The following AGMO variants were observed in gnomAD, a reference collection of about 807,000 sequenced individuals.
The protein encoded by AGMO is alkylglycerol monooxygenase.
In AGMO, 75 loss-of-function variants were observed where a neutral mutation model predicts 60.2. That is an observed-to-expected ratio of 1.25 (90% CI 1.03 to 1.51). The LOEUF (loss-of-function observed/expected upper bound fraction) is 1.51. Ranked by LOEUF, AGMO falls within the 40% of genes most tolerant of loss-of-function variation. The pLI is 0.00. For missense variants in AGMO, 763 were observed against 525.5 expected (o/e 1.45, Z -4.42); for synonymous variants, 261 against 177.1 (o/e 1.47, Z -3.76).
At chr7:15,277,041 C>A (rs57952142) in intron 12 of AGMO, among the ~76,000 whole-genome samples, 96 of 151,742 alleles carry the variant, frequency 6.3e-4, no homozygotes, top group Non-Finnish European at 1.3e-3. Context: ...GGTGTGGTGG[C>A]GCACACCTGT....
At chr7:15,147,001 A>G in the AGMO span, among the ~76,000 whole-genome samples, 1 of 152,176 alleles carries the variant, frequency 6.6e-6, no homozygotes, top group African/African-American at 2.4e-5. Context: ...GTTAAAATAT[A>G]TACACAAAAC....
chr7:15,532,918 G>T (rs1583658089), intron 3 of AGMO, among the ~76,000 whole-genome samples: 1 of 152,210 alleles, frequency 6.6e-6, no homozygotes, highest in African/African-American at 2.4e-5. Context: ...TTGAGCCCAA[G>T]AAGTGGAGGT....
chr7:15,506,944 A>G (rs889561846), intron 3 of AGMO, among the ~76,000 whole-genome samples: 2 of 152,050 alleles, frequency 1.3e-5, no homozygotes, highest in Non-Finnish European at 2.9e-5. Context: ...ATGAGCAAGA[A>G]AAAAGAATTG....
the AGMO span, among the ~76,000 whole-genome samples, chr7:15,160,666 A>C: frequency 6.6e-6 from 1 of 152,184 alleles, no homozygotes; most frequent in Non-Finnish European, 1.5e-5. Flanking sequence ...TCTATTTATA[A>C]TTATCCAGTA....
At chr7:15,351,022 C>T (rs1305591573) in intron 12 of AGMO, among the ~76,000 whole-genome samples, 1 of 152,100 alleles carries the variant, frequency 6.6e-6, no homozygotes, top group Non-Finnish European at 1.5e-5. Context: ...TGTGGGCATG[C>T]ATGAGATAGT....
the AGMO span, among the ~76,000 whole-genome samples, chr7:15,177,890 C>A: frequency 3.9e-5 from 6 of 152,182 alleles, no homozygotes; most frequent in East Asian, 9.7e-4. Flanking sequence ...ATATTGCTTT[C>A]TTTTATGACT....
chr7:15,153,131 T>C, the AGMO span, among the ~76,000 whole-genome samples: 1 of 152,202 alleles, frequency 6.6e-6, no homozygotes, highest in Admixed American at 6.5e-5. Context: ...CCCTTGTATA[T>C]CTTCTTTTGA....
intron 12 of AGMO, among the ~76,000 whole-genome samples, chr7:15,225,949 T>C (rs1447034584): frequency 2.6e-5 from 4 of 152,036 alleles, no homozygotes; most frequent in African/African-American, 9.7e-5. Context: ...TGACACACAG[T>C]ACATTTTAAA....
chr7:15,408,668 G>T (rs2128491794), intron 5 of AGMO, among the ~76,000 whole-genome samples: 1 of 151,994 alleles, frequency 6.6e-6, no homozygotes, highest in South Asian at 2.1e-4. Flanking sequence ...TAGGATTTCA[G>T]AGGAGGAAAG....
At chr7:15,138,149 T>C in the AGMO span, among the ~76,000 whole-genome samples, 1 of 152,326 alleles carries the variant, frequency 6.6e-6, no homozygotes, top group African/African-American at 2.4e-5. Context: ...TGGATGACAT[T>C]TCCTCTTTTT....
intron 12 of AGMO, among the ~76,000 whole-genome samples, chr7:15,271,304 G>A (rs1323780335): frequency 6.6e-6 from 1 of 151,972 alleles, no homozygotes; most frequent in Non-Finnish European, 1.5e-5. Context: ...CCATCATATG[G>A]GATATTTTTC....
At chr7:15,302,746 G>A (rs958824804) in intron 12 of AGMO, among the ~76,000 whole-genome samples, 1 of 151,968 alleles carries the variant, frequency 6.6e-6, no homozygotes, top group African/African-American at 2.4e-5. Flanking sequence ...GTTCATTGCT[G>A]TACCTCCATC....
intron 6 of AGMO, among the ~76,000 whole-genome samples, chr7:15,393,778 A>G (rs941113088): frequency 1.3e-5 from 2 of 152,212 alleles, no homozygotes; most frequent in African/African-American, 2.4e-5. Flanking sequence ...GCACTGGGTC[A>G]AGAAGTAGCC....
intron 12 of AGMO, among the ~76,000 whole-genome samples, chr7:15,313,860 T>C (rs1444307870): frequency 6.6e-6 from 1 of 152,148 alleles, no homozygotes; most frequent in African/African-American, 2.4e-5. Context: ...ATAAAAGTTA[T>C]GCAGATGGGG....
chr7:15,138,295 A>G, the AGMO span, among the ~76,000 whole-genome samples: 1 of 152,196 alleles, frequency 6.6e-6, no homozygotes, highest in Non-Finnish European at 1.5e-5. Context: ...TTGAAGTTAG[A>G]AAGTAATGGC....
intron 3 of AGMO, among the ~76,000 whole-genome samples, chr7:15,492,358 GAAAAAAAAA>G (rs67387904): frequency 8.6e-6 from 1 of 116,720 alleles, no homozygotes; most frequent in South Asian, 2.8e-4. Context: ...GGCCCAATAC[GAAAAAAAAA>G]AAAAAAAAAC....
At chr7:15,380,887 A>T (rs1783656402) in intron 10 of AGMO, among the ~76,000 whole-genome samples, 1 of 152,124 alleles carries the variant, frequency 6.6e-6, no homozygotes, top group South Asian at 2.1e-4. Flanking sequence ...GCACAACTAC[A>T]ACTATCTCAT....
intron 12 of AGMO, among the ~76,000 whole-genome samples, chr7:15,300,996 G>T (rs570808535): frequency 7.2e-5 from 11 of 152,040 alleles, no homozygotes; most frequent in African/African-American, 1.2e-4. Context: ...CATATACACA[G>T]AGGAACTTTC....
intron 2 of AGMO, among the ~76,000 whole-genome samples, chr7:15,547,631 C>G (rs1054993092): frequency 1.3e-5 from 2 of 152,104 alleles, no homozygotes; most frequent in Non-Finnish European, 1.5e-5. Context: ...CGGCGCACCA[C>G]GAGATTATAT....
Sources: allele counts gnomAD v4.1 joint callset (sites outside exome capture counted in the v4.1 genomes callset), GRCh38; gene constraint gnomAD v4.1.1; transcripts MANE v1.5; gene names NCBI Gene and HGNC (gene_info 2026-07-23, HGNC 2026-07-21).